Variants in ADAMTSL3 observed in about 807,000 individuals in gnomAD.
The protein encoded by ADAMTSL3 is ADAMTS like 3.
ADAMTSL3 carries 128 observed loss-of-function variants against 201.7 expected under a neutral mutation model. The ratio of observed to expected loss-of-function variants is 0.63; its 90% confidence interval spans 0.55 to 0.73. The LOEUF (loss-of-function observed/expected upper bound fraction) is 0.73. Ranked by LOEUF, ADAMTSL3 falls within the 30% of genes least tolerant of loss-of-function variation. The pLI is 0.00. For synonymous variants in ADAMTSL3, 738 were observed against 748.4 expected (o/e 0.99, Z 0.23); for missense variants, 1,990 against 2,119.6 (o/e 0.94, Z 1.20).
At chr15:83,944,797 C>A (rs1309281337) in intron 19 of ADAMTSL3, among the ~76,000 whole-genome samples, 2 of 152,196 alleles carry the variant, frequency 1.3e-5, no homozygotes, top group African/African-American at 4.8e-5. Flanking sequence ...CACCTAACCT[C>A]TCTGAGCTTC....
chr15:83,896,254 G>T (rs1284839160), intron 13 of ADAMTSL3, among the ~76,000 whole-genome samples: 1 of 152,160 alleles, frequency 6.6e-6, no homozygotes, highest in Non-Finnish European at 1.5e-5. Context: ...TCCCATAGCA[G>T]GTAACCAAAG....
At chr15:83,994,962 G>C (rs192036339) in intron 23 of ADAMTSL3, among the ~76,000 whole-genome samples, 1 of 151,978 alleles carries the variant, frequency 6.6e-6, no homozygotes, top group African/African-American at 2.4e-5. Flanking sequence ...TGGAAGGGAG[G>C]AAGCAAGCAG....
At chr15:83,703,527 C>T (rs1268771938) in intron 2 of ADAMTSL3, among the ~76,000 whole-genome samples, 1 of 152,116 alleles carries the variant, frequency 6.6e-6, no homozygotes, top group African/African-American at 2.4e-5. Context: ...CCATACTGTT[C>T]TCGTGATAGT....
At position 83,982,314 on chromosome 15, in the gene ADAMTSL3, C is replaced by T. The variant is rs1416513813; in HGVS notation, c.2686C>T (p.Pro896Ser). ...GAAGACAAAACTTGGTGAGCAGGGT[C>T]CGCAGATCCTCAGTGTCCAGAGAGT... ...EMKTKLGEQG[P>S]QILSVQRVYI... Residue 896 changes from proline to serine, a missense_variant, in exon 21 of 30, where the codon CCG becomes TCG. Physicochemically the swap from Pro to Ser is moderately conservative, Grantham distance 74. Coordinates refer to ENST00000286744, the MANE Select transcript of ADAMTSL3 (RefSeq NM_207517.3). 1.2e-6 allele frequency: 2 copies of T among 1,612,590 alleles called. No homozygotes were observed. The highest frequency in any genetic ancestry group is 1.7e-6 in the Non-Finnish European group (2 of 1,179,088).
At chr15:83,847,430 A>C (rs578001886) in intron 7 of ADAMTSL3, among the ~76,000 whole-genome samples, 11 of 152,038 alleles carry the variant, frequency 7.2e-5, no homozygotes, top group African/African-American at 2.7e-4. Context: ...GCTTGAAGCA[A>C]ACCTTACTAT....
chr15:83,782,640 CAT>C (rs1165168924), intron 4 of ADAMTSL3, among the ~76,000 whole-genome samples: 6 of 152,102 alleles, frequency 3.9e-5, no homozygotes, highest in African/African-American at 1.2e-4. Flanking sequence ...CCAAATACCA[CAT>C]GTCATCACTT....
chr15:83,956,327 T>C (rs1409845509), intron 19 of ADAMTSL3, among the ~76,000 whole-genome samples: 1 of 152,218 alleles, frequency 6.6e-6, no homozygotes, highest in Non-Finnish European at 1.5e-5. Flanking sequence ...AAGGCCATCT[T>C]TTCTGCCTTC....
chr15:83,723,920 T>C (rs958363556), intron 3 of ADAMTSL3, among the ~76,000 whole-genome samples: 12 of 152,100 alleles, frequency 7.9e-5, no homozygotes, highest in Admixed American at 6.6e-5. Context: ...GGATTAACAG[T>C]AGTTAATTAA....
intron 28 of ADAMTSL3, among the ~76,000 whole-genome samples, chr15:84,034,622 A>G (rs949937153): frequency 2.0e-5 from 3 of 152,182 alleles, no homozygotes; most frequent in African/African-American, 7.2e-5. Context: ...TTTCTGTAAA[A>G]TAAAGATGCT....
At chr15:83,788,238 A>T (rs549414667) in intron 4 of ADAMTSL3, among the ~76,000 whole-genome samples, 1 of 152,144 alleles carries the variant, frequency 6.6e-6, no homozygotes, top group South Asian at 2.1e-4. Flanking sequence ...TTTCTTTTAG[A>T]CCCTTCTTCT....
chr15:83,670,028 C>T (rs932203639), intron 2 of ADAMTSL3, among the ~76,000 whole-genome samples: 6 of 151,508 alleles, frequency 4.0e-5, no homozygotes, highest in Admixed American at 1.3e-4. Context: ...GAGGCCAAGG[C>T]GGGCAGATCA....
At chr15:83,978,078 A>AG (rs1281289554) in intron 20 of ADAMTSL3, among the ~76,000 whole-genome samples, 1 of 152,164 alleles carries the variant, frequency 6.6e-6, no homozygotes, top group Non-Finnish European at 1.5e-5. Flanking sequence ...CAGCAGGGTA[A>AG]TAGGAAGGTA....
intron 23 of ADAMTSL3, among the ~76,000 whole-genome samples, chr15:84,007,588 C>T (rs930666443): frequency 6.8e-6 from 1 of 146,110 alleles, no homozygotes. Flanking sequence ...CTCTCTGGCT[C>T]TGTTTTTTTT....
chr15:83,800,463 A>G (rs948199963), intron 4 of ADAMTSL3, among the ~76,000 whole-genome samples: 1 of 152,138 alleles, frequency 6.6e-6, no homozygotes, highest in Non-Finnish European at 1.5e-5. Flanking sequence ...TGCTCTACAC[A>G]TGGTCTACAC....
chr15:83,680,631 T>A (rs2061465765), intron 2 of ADAMTSL3, among the ~76,000 whole-genome samples: 1 of 151,894 alleles, frequency 6.6e-6, no homozygotes, highest in African/African-American at 2.4e-5. Flanking sequence ...ATGTAGATAT[T>A]GTACTGTTTA....
intron 3 of ADAMTSL3, among the ~76,000 whole-genome samples, chr15:83,713,537 G>A (rs2061960700): frequency 6.6e-6 from 1 of 151,904 alleles, no homozygotes; most frequent in South Asian, 2.1e-4. Flanking sequence ...TCTTATTACA[G>A]CATAAAACAA....
chr15:83,959,081 T>G (rs2066909766), intron 19 of ADAMTSL3, among the ~76,000 whole-genome samples: 1 of 152,134 alleles, frequency 6.6e-6, no homozygotes, highest in Non-Finnish European at 1.5e-5. Context: ...AATTGCCATA[T>G]TGAAAGGGCA....
At chr15:83,910,558 C>G (rs1414054555) in intron 15 of ADAMTSL3, among the ~76,000 whole-genome samples, 1 of 148,826 alleles carries the variant, frequency 6.7e-6, no homozygotes, top group Non-Finnish European at 1.5e-5. Context: ...TCGTTGAAAA[C>G]CAACTTGAAA....
At chr15:83,863,822 C>T (rs886495508) in intron 8 of ADAMTSL3, among the ~76,000 whole-genome samples, 15 of 151,964 alleles carry the variant, frequency 9.9e-5, no homozygotes, top group Non-Finnish European at 1.6e-4. Flanking sequence ...TCAATGAATC[C>T]AGGAGCTGGT....
Sources: allele counts gnomAD v4.1 joint callset (sites outside exome capture counted in the v4.1 genomes callset), GRCh38; gene constraint gnomAD v4.1.1; transcripts MANE v1.5; gene names NCBI Gene and HGNC (gene_info 2026-07-23, HGNC 2026-07-21).